The following CBLN4 variants were observed in gnomAD, a reference collection of about 807,000 sequenced individuals.
CBLN4 encodes the protein cerebellin 4 precursor, also known as cerebellin-4.
Under a neutral mutation model 14.9 loss-of-function variants are expected in CBLN4, and 7 were observed. The observed-to-expected ratio is 0.47, with a 90% CI of 0.27 to 0.88. The LOEUF (loss-of-function observed/expected upper bound fraction) is 0.88, where lower values mean the gene tolerates loss of function less well. Ranked by LOEUF, CBLN4 falls within the 40% of genes least tolerant of loss-of-function variation. The pLI is 0.14. For missense variants in CBLN4, 188 were observed against 256.8 expected (o/e 0.73, Z 1.83); for synonymous variants, 131 against 116.5 (o/e 1.12, Z -0.80).
At chr20:56,000,494 TTTGA>T (rs1158472905) in intron 2 of CBLN4, among the ~76,000 whole-genome samples, 1 of 152,236 alleles carries the variant, frequency 6.6e-6, no homozygotes, top group Non-Finnish European at 1.5e-5. Flanking sequence ...TTAAAAAATG[TTTGA>T]TTGTTATTAA....
At position 56,004,135 on chromosome 20, in the gene CBLN4, C is replaced by T. The variant is rs762693877; in HGVS notation, c.37G>A (p.Ala13Thr). 8 of 1,578,540 alleles carry T rather than the reference C, an allele frequency of 5.1e-6. No homozygotes were observed. In the East Asian group the frequency reaches 1.2e-4, roughly 23 times the overall value. Residue 13 changes from alanine to threonine, a missense_variant, in exon 1 of 3, where the codon GCC becomes ACC. Ala to Thr is a moderately conservative substitution (Grantham distance 58). Coordinates refer to ENST00000064571, the MANE Select transcript of CBLN4 (RefSeq NM_080617.6). The surrounding 1 kb of genome is among the most constrained non-coding windows in gnomAD (Gnocchi z 6.1). ...GGCAGCGTGAGGACCAGCAGCACGG[C>T]CGGCACCGCGGACAGCGCCCGGCGC... ...SGRRALSAVPAVLLVLTLPGL... is the reference protein window; with the variant it reads ...SGRRALSAVPTVLLVLTLPGL...
intron 1 of CBLN4, among the ~76,000 whole-genome samples, chr20:56,002,691 C>A (rs1486418985): frequency 1.3e-5 from 2 of 152,224 alleles, no homozygotes; most frequent in Non-Finnish European, 2.9e-5. Context: ...TGCACCAAAA[C>A]CCCAAATGGA....
Position 55,997,383 on chromosome 20 carries a change from G to C in CBLN4, c.*1174C>G, listed in dbSNP as rs930220980. On this transcript the variant is annotated 3_prime_UTR_variant, in exon 3 of 3. Transcript: ENST00000064571. The stretch of plus-strand genomic sequence containing the variant: ...AGGGTTAAGAAGAGACAAAGTAAGA[G>C]GAAATAAATAATGTAGAATACATAT... 6.6e-6 allele frequency: 1 copy of C among 152,064 alleles called. No individual in the cohort carries two copies. The highest frequency in any genetic ancestry group is 2.4e-5 in the African/African-American group (1 of 41,328). The allele number at this position is 152,064 out of a possible 1,614,324, so 9.4% of individuals were successfully genotyped here. A position where few individuals can be genotyped will look rare whatever the true frequency, so the allele number is the denominator to read the frequency against.
Position 55,998,387 on chromosome 20 carries a change from A to C in CBLN4, c.*170T>G. ...AAATATACTGAAACAGACACACACA[A>C]ATAATCTGTGAAATTTTGTATTGGT... On this transcript the variant is annotated 3_prime_UTR_variant, in exon 3 of 3. Coordinates refer to ENST00000064571, the MANE Select transcript of CBLN4 (RefSeq NM_080617.6). The C allele has an allele frequency of 1.4e-6, 1 of 691,288 alleles. No individual in the cohort carries two copies. The highest frequency in any genetic ancestry group is 2.0e-5 in the South Asian group (1 of 50,622). 42.8% of individuals were successfully genotyped at this position (691,288 alleles called of 1,614,324 possible). A position where few individuals can be genotyped will look rare whatever the true frequency, so the allele number is the denominator to read the frequency against.
In CBLN4 at chr20:56,003,843, G is replaced by A. The variant is rs549884116; in HGVS notation, c.291+38C>T. 1.0e-5 allele frequency: 16 copies of A among 1,554,486 alleles called. No homozygotes were observed. The African/African-American group carries it at 1.6e-4, about 16-fold the overall frequency. ...CCTCGTGCTGAGGTGCCTGGAGACC[G>A]CCCACCCCCTAGGTGCTCGCTTCCC... On this transcript the variant is annotated intron_variant, in intron 1 of 2. Transcript: ENST00000064571.
In CBLN4 at chr20:56,005,328, T is replaced by C. The variant is rs1986451150; in HGVS notation, c.-1157A>G. On this transcript the variant is annotated 5_prime_UTR_variant, in exon 1 of 3. Coordinates refer to ENST00000064571, the MANE Select transcript of CBLN4 (RefSeq NM_080617.6). ...CCTCACCCCTCCCAGCGCGGAACTCTGCCGCCGAGTGCCCTCCAAGCGGAG... is the reference window on the plus strand; with the variant it reads ...CCTCACCCCTCCCAGCGCGGAACTCCGCCGCCGAGTGCCCTCCAAGCGGAG... 3 of 152,340 alleles carry C rather than the reference T, an allele frequency of 2.0e-5. No homozygotes were observed. The highest frequency in any genetic ancestry group is 2.9e-5 in the Non-Finnish European group (2 of 68,124). The allele number at this position is 152,340 out of a possible 1,614,324, so 9.4% of individuals were successfully genotyped here.
At chr20:55,998,925 T>G (rs762183078) in intron 2 of CBLN4, among the ~76,000 whole-genome samples, 171 bp from the exon 3 acceptor site, 3 of 152,168 alleles carry the variant, frequency 2.0e-5, no homozygotes, top group Non-Finnish European at 2.9e-5. Context: ...TTCACATGTC[T>G]GCTGAACTGA....
At position 55,998,726 on chromosome 20, in the gene CBLN4, AC is replaced by A; in HGVS notation, c.436del (p.Val146Ter). 6.2e-7 allele frequency: 1 copy of A among 1,614,082 alleles called. No individual in the cohort carries two copies. Among genetic ancestry groups the A allele is most frequent in the Non-Finnish European group, 8.5e-7 (1 of 1,179,914 alleles). On this transcript the variant is annotated frameshift_variant, in exon 3 of 3. Transcript: ENST00000064571. LOFTEE classifies it high-confidence loss of function. Reference protein sequence around the residue: ...QVNLMLNGKPVISAFAGDKDV... With the variant: ...QVNLMLNGKPXISAFAGDKDV... ...TTTGTCCCCCGCAAAGGCAGATATT[AC>A]TGGTTTTCCATTTAACATCAAGTTA...
At position 56,004,394 on chromosome 20, in the gene CBLN4, C is replaced by G. The variant is rs1986430167; in HGVS notation, c.-223G>C. Reference sequence around the variant, plus strand: ...TCTGTTACCTTTGTCCTTTAAGGAGCTCATGCAGCACCCTTTACCCTACTC... The same window carrying G: ...TCTGTTACCTTTGTCCTTTAAGGAGGTCATGCAGCACCCTTTACCCTACTC... On this transcript the variant is annotated 5_prime_UTR_variant, in exon 1 of 3. Coordinates refer to ENST00000064571, the MANE Select transcript of CBLN4 (RefSeq NM_080617.6). The surrounding 1 kb of genome is among the most constrained non-coding windows in gnomAD (Gnocchi z 6.1). The G allele has an allele frequency of 2.0e-6, 1 of 490,880 alleles. No individual in the cohort carries two copies. The highest frequency in any genetic ancestry group is 3.8e-5 in the South Asian group (1 of 26,454). 30.4% of individuals were successfully genotyped at this position (490,880 alleles called of 1,614,324 possible).
rs1835243029 is a variant in CBLN4, at chr20:56,005,327, C to G, written c.-1156G>C. The G allele has an allele frequency of 2.6e-5, 4 of 152,374 alleles. No individual in the cohort carries two copies. The highest frequency in any genetic ancestry group is 1.3e-4 in the Admixed American group (2 of 15,292). The allele number at this position is 152,374 out of a possible 1,614,324, so 9.4% of individuals were successfully genotyped here. On this transcript the variant is annotated 5_prime_UTR_variant, in exon 1 of 3. Coordinates refer to ENST00000064571, the MANE Select transcript of CBLN4 (RefSeq NM_080617.6). Reference sequence around the variant, plus strand: ...CCCTCACCCCTCCCAGCGCGGAACTCTGCCGCCGAGTGCCCTCCAAGCGGA... The same window carrying G: ...CCCTCACCCCTCCCAGCGCGGAACTGTGCCGCCGAGTGCCCTCCAAGCGGA...
At position 56,004,307 on chromosome 20, in the gene CBLN4, C is replaced by T. The variant is rs917706144; in HGVS notation, c.-136G>A. 1 of 797,678 alleles carries T rather than the reference C, an allele frequency of 1.3e-6. No individual in the cohort carries two copies. Among genetic ancestry groups the T allele is most frequent in the Non-Finnish European group, 1.8e-6 (1 of 553,460 alleles). The allele number at this position is 797,678 out of a possible 1,614,324, so 49.4% of individuals were successfully genotyped here. On this transcript the variant is annotated 5_prime_UTR_variant, in exon 1 of 3. Coordinates refer to ENST00000064571, the MANE Select transcript of CBLN4 (RefSeq NM_080617.6). This position sits in a 1 kb window ranked among gnomAD's most constrained non-coding sequence, Gnocchi z 6.1. ...TGCAGGAGCGACGGCGGCGGCGGCGCGCACACTTCCACCAATTCTGTGGCT... is the reference window on the plus strand; with the variant it reads ...TGCAGGAGCGACGGCGGCGGCGGCGTGCACACTTCCACCAATTCTGTGGCT...
Position 56,003,961 on chromosome 20 carries a change from C to T in CBLN4, c.211G>A (p.Val71Ile). 6.2e-7 allele frequency: 1 copy of T among 1,613,962 alleles called. No homozygotes were observed. The highest frequency in any genetic ancestry group is 8.5e-7 in the Non-Finnish European group (1 of 1,180,000). The change falls in exon 1 of 3, where the codon GTC becomes ATC. Residue 71 changes from valine to isoleucine, a missense_variant. Physicochemically the swap from Val to Ile is conservative, Grantham distance 29. Around this residue, in one of 2 missense-constraint regions of CBLN4, gnomAD observed 95 missense variants for 99.2 expected, o/e 0.96. Transcript: ENST00000064571. ...GISVRAANSKVAFSAVRSTNH... is the reference protein window; with the variant it reads ...GISVRAANSKIAFSAVRSTNH... Reference sequence around the variant, plus strand: ...GTGCTCCGCACCGCCGAGAAGGCGACCTTGGAGTTGGCCGCCCGGACCGAT... The same window carrying T: ...GTGCTCCGCACCGCCGAGAAGGCGATCTTGGAGTTGGCCGCCCGGACCGAT...
chr20:56,003,772 A>G (rs1456514708), intron 1 of CBLN4, 109 bp downstream of exon 1: 2 of 1,178,826 alleles, frequency 1.7e-6, no homozygotes, highest in East Asian at 2.4e-5. Flanking sequence ...AGTGCTTTAC[A>G]TGATTCCCCA....
chr20:55,999,768 T>G (rs1000351889), intron 2 of CBLN4, among the ~76,000 whole-genome samples: 11 of 152,254 alleles, frequency 7.2e-5, no homozygotes, highest in African/African-American at 2.7e-4. Flanking sequence ...ATTAACTATT[T>G]TCTATTCTTC....
intron 1 of CBLN4, among the ~76,000 whole-genome samples, chr20:56,002,353 G>C (rs1481530065): frequency 6.6e-6 from 1 of 152,174 alleles, no homozygotes; most frequent in South Asian, 2.1e-4. Context: ...TCCTGATTCA[G>C]ATACAAGTAG....
intron 1 of CBLN4, among the ~76,000 whole-genome samples, chr20:56,003,605 C>T (rs1600862456): frequency 6.6e-6 from 1 of 152,254 alleles, no homozygotes; most frequent in East Asian, 1.9e-4. Context: ...CGAAACTTGC[C>T]CTGAGCTCTC....
chr20:56,000,516 A>T (rs1986350553), intron 2 of CBLN4, among the ~76,000 whole-genome samples: 1 of 152,236 alleles, frequency 6.6e-6, no homozygotes. Flanking sequence ...TAAGGTAATA[A>T]CTTCAATTCT....
At chr20:56,000,451 T>C (rs1986349785) in intron 2 of CBLN4, among the ~76,000 whole-genome samples, 1 of 152,250 alleles carries the variant, frequency 6.6e-6, no homozygotes, top group African/African-American at 2.4e-5. Context: ...CAAAGAGATT[T>C]GTGTCACTGA....
chr20:56,004,185 G>A lies in CBLN4; in HGVS notation c.-14C>T. 1 of 1,424,458 alleles carries A rather than the reference G, an allele frequency of 7.0e-7. No homozygotes were observed. Among genetic ancestry groups the A allele is most frequent in the Non-Finnish European group, 9.1e-7 (1 of 1,096,130 alleles). The allele number at this position is 1,424,458 out of a possible 1,614,324, so 88.2% of individuals were successfully genotyped here. A position where few individuals can be genotyped will look rare whatever the true frequency, so the allele number is the denominator to read the frequency against. Reference sequence around the variant, plus strand: ...CCCGGAGCCCATGGTGAGCCGTGTGGGCAGCCGCAGCCGGCTGGCGCTGGT... The same window carrying A: ...CCCGGAGCCCATGGTGAGCCGTGTGAGCAGCCGCAGCCGGCTGGCGCTGGT... On this transcript the variant is annotated 5_prime_UTR_variant, in exon 1 of 3. Coordinates refer to ENST00000064571, the MANE Select transcript of CBLN4 (RefSeq NM_080617.6). The surrounding 1 kb of genome is among the most constrained non-coding windows in gnomAD (Gnocchi z 6.1).
Sources: allele counts gnomAD v4.1 joint callset (sites outside exome capture counted in the v4.1 genomes callset), GRCh38; gene constraint gnomAD v4.1.1; regional missense constraint gnomAD v4.1.1; non-coding constraint Gnocchi (gnomAD v3.1); transcripts MANE v1.5; gene names NCBI Gene and HGNC (gene_info 2026-07-23, HGNC 2026-07-21).